RUNX2: variants seen among roughly 807,000 people sequenced by gnomAD.
The protein encoded by RUNX2 is RUNX family transcription factor 2, also known as runt-related transcription factor 2.
Under a neutral mutation model 51.7 loss-of-function variants are expected in RUNX2, and 10 were observed. The observed-to-expected ratio is 0.19, with a 90% confidence interval of 0.12 to 0.33. RUNX2 has a LOEUF of 0.33. Ranked by LOEUF, RUNX2 falls within the 10% of genes least tolerant of loss-of-function variation. RUNX2 has a pLI of 1.00. For missense variants in RUNX2, 562 were observed against 691.3 expected, an observed-to-expected ratio of 0.81 and a Z score of 2.10; for synonymous variants, 276 against 273.6, an observed-to-expected ratio of 1.01 and a Z score of -0.09.
At chr6:45,477,972 C>A (rs1386858383) in intron 5 of RUNX2, among the ~76,000 whole-genome samples, 1 of 152,036 alleles carries the variant, frequency 6.6e-6, no homozygotes, top group East Asian at 1.9e-4. Flanking sequence ...TCCAGCGATG[C>A]CAAATTGCTT....
chr6:45,393,547 A>G (rs1231637806), intron 2 of RUNX2, among the ~76,000 whole-genome samples: 1 of 151,838 alleles, frequency 6.6e-6, no homozygotes, highest in African/African-American at 2.4e-5. Flanking sequence ...CTCCTGCCTC[A>G]GCCTCCCGAA....
At chr6:45,533,397 CAGAAG>C (rs2150440897) in intron 7 of RUNX2, among the ~76,000 whole-genome samples, 1 of 148,988 alleles carries the variant, frequency 6.7e-6, no homozygotes, top group Admixed American at 6.7e-5. Context: ...TTAAATCACT[CAGAAG>C]AGAAATCATC....
intron 2 of RUNX2, among the ~76,000 whole-genome samples, chr6:45,346,824 C>A (rs1272994901): frequency 6.6e-6 from 1 of 152,120 alleles, no homozygotes; most frequent in African/African-American, 2.4e-5. Context: ...CTTGGCCCCC[C>A]AAAGTGCTAG....
At chr6:45,519,836 G>GTGTATA (rs1430887373) in intron 7 of RUNX2, among the ~76,000 whole-genome samples, 39 of 134,616 alleles carry the variant, frequency 2.9e-4, no homozygotes, top group Non-Finnish European at 5.3e-4. Context: ...GTGTGTGTGT[G>GTGTATA]TATATATTTG....
intron 2 of RUNX2, among the ~76,000 whole-genome samples, chr6:45,398,346 G>A (rs958635569): frequency 1.3e-5 from 2 of 152,156 alleles, no homozygotes; most frequent in African/African-American, 4.8e-5. Context: ...AAGTTGTTAA[G>A]AGTCTGAACA....
chr6:45,526,188 C>A (rs564305405), intron 7 of RUNX2, among the ~76,000 whole-genome samples: 1 of 152,312 alleles, frequency 6.6e-6, no homozygotes, highest in East Asian at 1.9e-4. Context: ...ACATTTAGAT[C>A]TTGATACCTG....
At chr6:45,403,731 A>C (rs1797770932) in intron 2 of RUNX2, among the ~76,000 whole-genome samples, 1 of 152,218 alleles carries the variant, frequency 6.6e-6, no homozygotes, top group Non-Finnish European at 1.5e-5. Context: ...AAACAAAAAA[A>C]ACAAGCTCTC....
chr6:45,437,020 T>C lies in RUNX2; in HGVS notation c.581-927T>C, dbSNP rs114428645. Among the ~76,000 whole-genome samples, 294 of 152,318 alleles carry C rather than the reference T, an allele frequency of 1.9e-3. 1 individual carries two copies. The highest frequency in any genetic ancestry group is 3.3e-3 in the Admixed American group (51 of 15,300). ...AGTTTGCAGTTTTGACTATCTGACA[T>C]GATTAACCGTTGCAAATCTAACTGA... is the stretch of plus-strand genomic sequence containing the variant. On this transcript the variant is annotated intron_variant, in intron 4 of 8. Coordinates refer to ENST00000647337, the MANE Select transcript of RUNX2 (RefSeq NM_001024630.4).
At chr6:45,455,773 C>A (rs1397947747) in intron 5 of RUNX2, among the ~76,000 whole-genome samples, 1 of 152,134 alleles carries the variant, frequency 6.6e-6, no homozygotes, top group Non-Finnish European at 1.5e-5. Flanking sequence ...CTTTACTAAG[C>A]CATCTTTTCT....
At chr6:45,478,349 C>T (rs1800015908) in intron 5 of RUNX2, among the ~76,000 whole-genome samples, 1 of 152,178 alleles carries the variant, frequency 6.6e-6, no homozygotes, top group Non-Finnish European at 1.5e-5. Context: ...CTGTGTAGGA[C>T]ATTTTCACCT....
At chr6:45,423,183 C>T (rs1798274797) in intron 3 of RUNX2, among the ~76,000 whole-genome samples, 1 of 152,156 alleles carries the variant, frequency 6.6e-6, no homozygotes, top group African/African-American at 2.4e-5. Flanking sequence ...CCGCTGCCAC[C>T]CCGACTTCAG....
At chr6:45,452,188 G>T (rs912896674) in intron 5 of RUNX2, among the ~76,000 whole-genome samples, 5 of 152,158 alleles carry the variant, frequency 3.3e-5, no homozygotes, top group African/African-American at 1.2e-4. Context: ...CTCCCTATGG[G>T]GAGAAATTAA....
At chr6:45,354,291 A>G (rs1295656463) in intron 2 of RUNX2, among the ~76,000 whole-genome samples, 1 of 152,208 alleles carries the variant, frequency 6.6e-6, no homozygotes, top group Non-Finnish European at 1.5e-5. Context: ...ACACAATGAA[A>G]TAAAAAGATC....
intron 7 of RUNX2, among the ~76,000 whole-genome samples, chr6:45,518,636 C>T (rs1189867855): frequency 6.6e-6 from 1 of 152,110 alleles, no homozygotes; most frequent in Non-Finnish European, 1.5e-5. Flanking sequence ...CATGGTTTGA[C>T]TCTGATTTTT....
chr6:45,454,014 G>A (rs1289859617), intron 5 of RUNX2, among the ~76,000 whole-genome samples: 2 of 152,124 alleles, frequency 1.3e-5, no homozygotes, highest in Admixed American at 1.3e-4. Context: ...CAGTTCCTTG[G>A]TAGAGCCAAA....
chr6:45,344,687 C>G (rs1790491024), intron 2 of RUNX2, among the ~76,000 whole-genome samples: 1 of 151,994 alleles, frequency 6.6e-6, no homozygotes, highest in African/African-American at 2.4e-5. Flanking sequence ...AGTGTATAAA[C>G]TAGCTCTTCA....
intron 7 of RUNX2, among the ~76,000 whole-genome samples, chr6:45,525,193 A>G (rs923053235): frequency 3.9e-5 from 6 of 152,222 alleles, no homozygotes; most frequent in African/African-American, 1.4e-4. Context: ...AGAAAGTTAA[A>G]GTTGTTCTCT....
In RUNX2 at chr6:45,422,765, T is replaced by TGCG. The variant is rs750984370; in HGVS notation, c.246_248dup (p.Ala89dup). On this transcript the variant is annotated inframe_insertion, in exon 3 of 9. Coordinates refer to ENST00000647337, the MANE Select transcript of RUNX2 (RefSeq NM_001024630.4). ...AGCAGCAGGAGGCGGCGGCGGCGGC[T>TGCG]GCGGCGGCGGCGGCGGCTGCGGCGG... 1.4e-5 allele frequency: 19 copies of TGCG among 1,334,522 alleles called. No individual in the cohort carries two copies. Among genetic ancestry groups the TGCG allele is most frequent in the African/African-American group, 7.6e-5 (5 of 65,922 alleles). 82.7% of individuals were successfully genotyped at this position (1,334,522 alleles called of 1,614,324 possible).
chr6:45,514,702 C>G (rs977218805), intron 7 of RUNX2, among the ~76,000 whole-genome samples: 1 of 152,146 alleles, frequency 6.6e-6, no homozygotes, highest in African/African-American at 2.4e-5. Flanking sequence ...TGCCTGCACA[C>G]CCAAGCACTG....
Sources: gnomAD v4.1 joint callset for allele counts (sites outside exome capture counted in the v4.1 genomes callset) on GRCh38, gnomAD v4.1.1 for gene constraint, MANE v1.5 for transcripts, NCBI Gene and HGNC (gene_info 2026-07-23, HGNC 2026-07-21) for gene names.